Variants in TACR3 observed in about 807,000 individuals in gnomAD.
TACR3 encodes tachykinin receptor 3.
TACR3 carries 34 observed loss-of-function variants against 35.0 expected under a neutral mutation model. The observed-to-expected ratio is 0.97, with a 90% CI of 0.74 to 1.30. The LOEUF (loss-of-function observed/expected upper bound fraction) is 1.30. TACR3 is among the 50% of genes most tolerant of loss of function. TACR3 has a pLI of 0.00. For synonymous variants in TACR3, 233 were observed against 221.1 expected, an observed-to-expected ratio of 1.05 and a Z score of -0.48; for missense variants, 558 against 591.7, an observed-to-expected ratio of 0.94 and a Z score of 0.59.
At chr4:103,650,741 AT>A (rs1367827385) in intron 3 of TACR3, among the ~76,000 whole-genome samples, 52 of 83,862 alleles carry the variant, frequency 6.2e-4, no homozygotes, top group Non-Finnish European at 9.5e-4. Flanking sequence ...ATTATATCAT[AT>A]ATAATATATA....
chr4:103,654,838 GAA>G (rs1725699808), intron 3 of TACR3, among the ~76,000 whole-genome samples: 1 of 152,002 alleles, frequency 6.6e-6, no homozygotes, highest in Non-Finnish European at 1.5e-5. Flanking sequence ...ATTATCCCAA[GAA>G]AAGAGTATCT....
At position 103,589,679 on chromosome 4, in the gene TACR3, G is replaced by C. The variant is rs1678183275; in HGVS notation, c.*3C>G. 12 of 1,613,630 alleles carry C rather than the reference G, an allele frequency of 7.4e-6. No homozygotes were observed. Among genetic ancestry groups the C allele is most frequent in the Non-Finnish European group, 1.0e-5 (12 of 1,179,764 alleles). ...CACTAATCTTTTACCTCAGGAAATG[G>C]AATTAAGAATATTCATCCACAGAGG... On this transcript the variant is annotated 3_prime_UTR_variant, in exon 5 of 5. Transcript: ENST00000304883.
At position 103,589,607 on chromosome 4, in the gene TACR3, T is replaced by C. The variant is rs2110281927; in HGVS notation, c.*75A>G. On this transcript the variant is annotated 3_prime_UTR_variant, in exon 5 of 5. Transcript: ENST00000304883. ...TTCTAGAGGGTATATAGGACAGGAC[T>C]GGTAAATAGGAGAATGGGGTCCTAG... is the stretch of plus-strand genomic sequence containing the variant. The C allele has an allele frequency of 6.4e-7, 1 of 1,565,088 alleles. No individual in the cohort carries two copies. Among genetic ancestry groups the C allele is most frequent in the Non-Finnish European group, 8.8e-7 (1 of 1,138,418 alleles).
At chr4:103,707,682 G>A (rs916061263) in intron 1 of TACR3, among the ~76,000 whole-genome samples, 7 of 152,236 alleles carry the variant, frequency 4.6e-5, no homozygotes, top group South Asian at 2.1e-4. Flanking sequence ...CCCACCGAGC[G>A]AGAGCCGAGG....
At chr4:103,637,189 A>G (rs1273140903) in intron 3 of TACR3, among the ~76,000 whole-genome samples, 1 of 152,220 alleles carries the variant, frequency 6.6e-6, no homozygotes, top group Non-Finnish European at 1.5e-5. Flanking sequence ...AAAATCCTCA[A>G]TAAAATACTG....
chr4:103,713,860 CAGAAA>C (rs1345506403), intron 1 of TACR3, among the ~76,000 whole-genome samples: 1 of 152,074 alleles, frequency 6.6e-6, no homozygotes, highest in East Asian at 1.9e-4. Flanking sequence ...GGAAGGATAT[CAGAAA>C]AGTTGGAAGC....
At chr4:103,596,076 G>T (rs1201978295) in intron 3 of TACR3, among the ~76,000 whole-genome samples, 1 of 150,684 alleles carries the variant, frequency 6.6e-6, no homozygotes, top group Non-Finnish European at 1.5e-5. Context: ...CAAAGGACAT[G>T]AACTCATCCT....
intron 3 of TACR3, among the ~76,000 whole-genome samples, chr4:103,629,845 C>CAAA (rs1487546451): frequency 1.8e-3 from 108 of 59,398 alleles, no homozygotes; most frequent in Middle Eastern, 0.011. Flanking sequence ...CAATCCTAAG[C>CAAA]AAAACAAAAA....
chr4:103,637,728 C>A (rs113379862), intron 3 of TACR3, among the ~76,000 whole-genome samples: 1 of 152,124 alleles, frequency 6.6e-6, no homozygotes, highest in African/African-American at 2.4e-5. Context: ...AGCTGATAAG[C>A]AACTTCAGCA....
At chr4:103,600,347 T>C (rs1349684586) in intron 3 of TACR3, among the ~76,000 whole-genome samples, 1 of 152,150 alleles carries the variant, frequency 6.6e-6, no homozygotes, top group African/African-American at 2.4e-5. Flanking sequence ...CTTCTCTCTT[T>C]TCTTCTTTAT....
intron 3 of TACR3, among the ~76,000 whole-genome samples, chr4:103,639,854 T>G (rs1725312084): frequency 6.6e-6 from 1 of 151,998 alleles, no homozygotes; most frequent in South Asian, 2.1e-4. Context: ...GTTATAAGGA[T>G]TCAATGTCTA....
intron 3 of TACR3, among the ~76,000 whole-genome samples, chr4:103,612,970 T>C (rs957427549): frequency 2.0e-5 from 3 of 152,244 alleles, no homozygotes; most frequent in African/African-American, 7.2e-5. Flanking sequence ...GGAGTTGTGA[T>C]GCCCTAGATA....
intron 1 of TACR3, among the ~76,000 whole-genome samples, chr4:103,706,574 A>G (rs1390531764): frequency 6.6e-6 from 1 of 152,174 alleles, no homozygotes; most frequent in Non-Finnish European, 1.5e-5. Context: ...TATATAATGT[A>G]CTATACATGA....
chr4:103,694,230 TC>T (rs1333908421), intron 1 of TACR3, among the ~76,000 whole-genome samples: 2 of 148,152 alleles, frequency 1.3e-5, no homozygotes, highest in Admixed American at 1.3e-4. Flanking sequence ...TGCACATTTA[TC>T]TAACTGTATG....
chr4:103,621,705 T>A (rs1016911664), intron 3 of TACR3, among the ~76,000 whole-genome samples: 11 of 152,180 alleles, frequency 7.2e-5, no homozygotes, highest in African/African-American at 2.7e-4. Flanking sequence ...TTAAGAATAT[T>A]CTATAAAATG....
chr4:103,647,100 T>C (rs1725477968), intron 3 of TACR3, among the ~76,000 whole-genome samples: 2 of 151,896 alleles, frequency 1.3e-5, no homozygotes, highest in Non-Finnish European at 2.9e-5. Context: ...CATTCTAGAA[T>C]AGTTTTTTAC....
intron 1 of TACR3, among the ~76,000 whole-genome samples, chr4:103,662,700 T>G: frequency 6.6e-6 from 1 of 152,090 alleles, no homozygotes; most frequent in East Asian, 1.9e-4. Context: ...AAGGGAAAAT[T>G]TGGAAACAGA....
intron 1 of TACR3, among the ~76,000 whole-genome samples, chr4:103,701,249 C>T (rs1332232417): frequency 6.6e-6 from 1 of 151,862 alleles, no homozygotes; most frequent in Non-Finnish European, 1.5e-5. Context: ...TTCTTATACA[C>T]CAATAACAGA....
intron 1 of TACR3, among the ~76,000 whole-genome samples, chr4:103,697,551 A>C (rs1458875173): frequency 6.6e-6 from 1 of 151,792 alleles, no homozygotes; most frequent in Non-Finnish European, 1.5e-5. Context: ...CAGCCTCCGG[A>C]GTAACTGGGA....
Sources: allele counts gnomAD v4.1 joint callset (sites outside exome capture counted in the v4.1 genomes callset), GRCh38; gene constraint gnomAD v4.1.1; transcripts MANE v1.5; gene names NCBI Gene and HGNC (gene_info 2026-07-23, HGNC 2026-07-21).